Variants in TBC1D5 observed in about 807,000 individuals in gnomAD.
The protein encoded by TBC1D5 is TBC1 domain family, member 5.
In TBC1D5, 75 loss-of-function variants were observed where a neutral mutation model predicts 100.3. That is an observed-to-expected ratio of 0.75 (90% CI 0.62 to 0.91). TBC1D5 has a LOEUF of 0.91. Ranked by LOEUF, TBC1D5 falls within the 40% of genes least tolerant of loss-of-function variation. The pLI, the probability that TBC1D5 is intolerant of heterozygous loss-of-function variation, is 0.00. For synonymous variants in TBC1D5, 323 were observed against 325.6 expected, an observed-to-expected ratio of 0.99 and a Z score of 0.09; for missense variants, 910 against 942.4, an observed-to-expected ratio of 0.97 and a Z score of 0.45.
intron 2 of TBC1D5, among the ~76,000 whole-genome samples, chr3:17,511,010 G>A (rs547580493): frequency 1.3e-5 from 2 of 151,968 alleles, no homozygotes; most frequent in South Asian, 2.1e-4. Context: ...AAATAAGTCA[G>A]TGCGACAAAA....
intron 17 of TBC1D5, among the ~76,000 whole-genome samples, chr3:17,215,250 G>C (rs559081381): frequency 1.3e-5 from 2 of 152,210 alleles, no homozygotes; most frequent in East Asian, 3.9e-4. Flanking sequence ...AAAAGCAGAG[G>C]AACCAATTTT....
At chr3:17,637,044 C>T (rs1560342441) in intron 1 of TBC1D5, among the ~76,000 whole-genome samples, 4 of 148,158 alleles carry the variant, frequency 2.7e-5, no homozygotes, top group South Asian at 2.1e-4. Flanking sequence ...TTTTTTGAGA[C>T]GGAGTGTCAC....
intron 14 of TBC1D5, among the ~76,000 whole-genome samples, chr3:17,296,672 T>C (rs1370528252): frequency 6.6e-6 from 1 of 152,228 alleles, no homozygotes; most frequent in Non-Finnish European, 1.5e-5. Flanking sequence ...TTGTAAGATT[T>C]TGTCTTTCTG....
At chr3:17,685,875 CA>C (rs1449363590) in intron 1 of TBC1D5, among the ~76,000 whole-genome samples, 1 of 152,162 alleles carries the variant, frequency 6.6e-6, no homozygotes, top group African/African-American at 2.4e-5. Flanking sequence ...AAATTTTCTG[CA>C]GGAGAATAAT....
intron 2 of TBC1D5, among the ~76,000 whole-genome samples, chr3:17,581,028 T>C (rs758090821): frequency 3.3e-5 from 5 of 152,152 alleles, no homozygotes; most frequent in African/African-American, 4.8e-5. Context: ...TCCCCACGTG[T>C]CGTGGGAGGG....
chr3:17,492,721 C>T (rs2095654588), intron 3 of TBC1D5, among the ~76,000 whole-genome samples: 1 of 152,198 alleles, frequency 6.6e-6, no homozygotes, highest in African/African-American at 2.4e-5. Context: ...CAGGCGTGAG[C>T]CACCATACTC....
intron 19 of TBC1D5, among the ~76,000 whole-genome samples, chr3:17,174,059 A>C (rs1369579963): frequency 6.6e-6 from 1 of 152,114 alleles, no homozygotes; most frequent in Non-Finnish European, 1.5e-5. Flanking sequence ...CCCTTCTAGA[A>C]GTCCCTCCCA....
intron 9 of TBC1D5, among the ~76,000 whole-genome samples, chr3:17,377,600 C>G (rs17043523): frequency 6.6e-6 from 1 of 151,840 alleles, no homozygotes; most frequent in Non-Finnish European, 1.5e-5. Context: ...AAATAAAATA[C>G]GAAAGCAGAG....
intron 2 of TBC1D5, among the ~76,000 whole-genome samples, chr3:17,613,274 A>T (rs1008078663): frequency 1.3e-5 from 2 of 152,146 alleles, no homozygotes; most frequent in Admixed American, 6.6e-5. Flanking sequence ...TTTTCTTAAT[A>T]CAGTCTATCA....
chr3:17,192,114 A>G (rs1239778833), intron 18 of TBC1D5, among the ~76,000 whole-genome samples: 1 of 152,144 alleles, frequency 6.6e-6, no homozygotes, highest in Non-Finnish European at 1.5e-5. Context: ...TGGTGGAATT[A>G]TGGGTGATTT....
At chr3:17,639,833 A>T (rs11927967) in intron 1 of TBC1D5, among the ~76,000 whole-genome samples, 7,642 of 152,192 alleles carry the variant, frequency 0.05, 612 homozygotes, top group African/African-American at 0.17. Flanking sequence ...CTACTCCAGG[A>T]ATAGCAAATA....
At chr3:17,338,134 A>G (rs1471430927) in intron 13 of TBC1D5, among the ~76,000 whole-genome samples, 1 of 152,206 alleles carries the variant, frequency 6.6e-6, no homozygotes, top group African/African-American at 2.4e-5. Flanking sequence ...CACTGAAGCA[A>G]TAATTTGTTG....
chr3:17,424,309 T>C (rs1020249395), intron 4 of TBC1D5, among the ~76,000 whole-genome samples: 5 of 152,204 alleles, frequency 3.3e-5, no homozygotes, highest in African/African-American at 4.8e-5. Context: ...CTTGCCTCTT[T>C]TGGCGAGGAG....
At chr3:17,341,650 A>G (rs2088957142) in intron 13 of TBC1D5, among the ~76,000 whole-genome samples, 1 of 152,194 alleles carries the variant, frequency 6.6e-6, no homozygotes, top group African/African-American at 2.4e-5. Context: ...TCACCGTTCT[A>G]TATTACCTTC....
chr3:17,367,156 A>G (rs17043506), intron 13 of TBC1D5, among the ~76,000 whole-genome samples: 13,701 of 152,230 alleles, frequency 0.09, 1,417 homozygotes, highest in African/African-American at 0.25. Flanking sequence ...TACATTTAAA[A>G]GTGATAATAA....
intron 4 of TBC1D5, among the ~76,000 whole-genome samples, chr3:17,417,433 T>C (rs1271095377): frequency 2.7e-5 from 4 of 146,932 alleles, no homozygotes; most frequent in African/African-American, 1.0e-4. Context: ...TGAGTGAGAA[T>C]ATGCGGTGTT....
intron 19 of TBC1D5, among the ~76,000 whole-genome samples, chr3:17,176,803 A>G (rs1044615685): frequency 7.0e-6 from 1 of 143,546 alleles, no homozygotes; most frequent in African/African-American, 2.5e-5. Flanking sequence ...AGTATGATTG[A>G]AAAAAAAAAA....
At chr3:17,622,929 A>C (rs1311209855) in intron 2 of TBC1D5, among the ~76,000 whole-genome samples, 2 of 152,208 alleles carry the variant, frequency 1.3e-5, no homozygotes, top group Non-Finnish European at 2.9e-5. Context: ...CATAATACAC[A>C]AAGTAGCTAC....
intron 21 of TBC1D5, among the ~76,000 whole-genome samples, chr3:17,164,652 A>T (rs897515595): frequency 6.6e-6 from 1 of 152,130 alleles, no homozygotes; most frequent in African/African-American, 2.4e-5. Flanking sequence ...AGTGAGGAGG[A>T]AAACTTAGCC....
Sources: allele counts gnomAD v4.1 joint callset (sites outside exome capture counted in the v4.1 genomes callset), GRCh38; gene constraint gnomAD v4.1.1; transcripts MANE v1.5; gene names NCBI Gene and HGNC (gene_info 2026-07-23, HGNC 2026-07-21).